Variants in ANPEP observed in about 807,000 individuals in gnomAD.
ANPEP encodes the protein aminopeptidase N.
Under a neutral mutation model 114.6 loss-of-function variants are expected in ANPEP, and 70 were observed. The observed-to-expected ratio is 0.61, with a 90% CI of 0.50 to 0.75. The LOEUF (loss-of-function observed/expected upper bound fraction) is 0.75, where lower values mean the gene tolerates loss of function less well. ANPEP is among the 30% of genes least tolerant of loss of function. ANPEP has a pLI of 0.00. For synonymous variants in ANPEP, 548 were observed against 522.3 expected, an observed-to-expected ratio of 1.05 and a Z score of -0.67; for missense variants, 1,184 against 1,259.5, an observed-to-expected ratio of 0.94 and a Z score of 0.91.
chr15:89,800,977 G>A lies in ANPEP; in HGVS notation c.1819+134C>T, dbSNP rs878984229. On this transcript the variant is annotated intron_variant, in intron 12 of 20. Coordinates refer to ENST00000300060, the MANE Select transcript of ANPEP (RefSeq NM_001150.3). ...CCCAGAGTCACACAGCGAAGCAGCA[G>A]CAAAGTGGAGATTGGAACCAAAGAA... 1.2e-4 allele frequency: 86 copies of A among 735,970 alleles called. 1 individual carries two copies. The East Asian group carries it at 1.2e-3, about 11-fold the overall frequency. The allele number at this position is 735,970 out of a possible 1,614,324, so 45.6% of individuals were successfully genotyped here.
chr15:89,805,257 G>T, intron 3 of ANPEP, 40 bp from the exon 4 acceptor site: 1 of 1,613,512 alleles, frequency 6.2e-7, no homozygotes, highest in Non-Finnish European at 8.5e-7. Context: ...GTACCCTCCT[G>T]CCCCACACCC....
rs568740276 is a variant in ANPEP, at chr15:89,801,368, A to G, written c.1742+67T>C. Reference sequence around the variant, plus strand: ...GGGACCACAGGAGGCCAGTCCTACTATGGTCCCTTAGTAACTGCCCTCTAC... The same window carrying G: ...GGGACCACAGGAGGCCAGTCCTACTGTGGTCCCTTAGTAACTGCCCTCTAC... On this transcript the variant is annotated intron_variant, in intron 11 of 20. Transcript: ENST00000300060. 52 of 1,583,802 alleles carry G rather than the reference A, an allele frequency of 3.3e-5. No homozygotes were observed. In the East Asian group the frequency reaches 8.5e-4, roughly 26 times the overall value.
At chr15:89,787,545 G>A (rs1032208499) in intron 20 of ANPEP, among the ~76,000 whole-genome samples, 1 of 152,158 alleles carries the variant, frequency 6.6e-6, no homozygotes, top group African/African-American at 2.4e-5. Flanking sequence ...GGTATCAAAA[G>A]ACCTATTAAG....
chr15:89,808,938 T>C (rs1159865986), intron 1 of ANPEP, among the ~76,000 whole-genome samples: 1 of 152,232 alleles, frequency 6.6e-6, no homozygotes, highest in African/African-American at 2.4e-5. Context: ...AGGGGAGTCC[T>C]GGGTGCCCAC....
At chr15:89,793,479 T>A (rs1308109346) in intron 15 of ANPEP, among the ~76,000 whole-genome samples, 1 of 151,820 alleles carries the variant, frequency 6.6e-6, no homozygotes, top group East Asian at 1.9e-4. Flanking sequence ...GGCGGGTGGA[T>A]CCCCTGAGTC....
At position 89,803,454 on chromosome 15, in the gene ANPEP, C is replaced by T. The variant is rs986306481; in HGVS notation, c.1491G>A (p.Lys497=). 1.9e-6 allele frequency: 3 copies of T among 1,605,648 alleles called. No individual in the cohort carries two copies. The African/African-American group carries it at 4.0e-5, about 21-fold the overall frequency. ...GTGCAGTACTCACCGCCAGGCCCTG[C>T]TTGAATACGTCCTCGGACAGGAAGC... is the stretch of plus-strand genomic sequence containing the variant. The part of the protein sequence containing the change: ...LSSFLSEDVF[K]QGLASYLHTF... Residue 497 remains lysine, a synonymous_variant, in exon 9 of 21, where the codon AAG becomes AAA. Transcript: ENST00000300060. The surrounding 1 kb of genome is among the most constrained non-coding windows in gnomAD (Gnocchi z 4.2).
intron 15 of ANPEP, among the ~76,000 whole-genome samples, chr15:89,795,174 T>C (rs1968705621): frequency 6.6e-6 from 1 of 151,244 alleles, no homozygotes; most frequent in Non-Finnish European, 1.5e-5. Context: ...CATAGGATGC[T>C]GGAATCAGAA....
intron 14 of ANPEP, among the ~76,000 whole-genome samples, chr15:89,798,847 G>C (rs568911578): frequency 6.6e-6 from 1 of 152,306 alleles, no homozygotes; most frequent in African/African-American, 2.4e-5. Context: ...GGCTGAGGCA[G>C]AGAATCGCTT....
rs777231477 is a variant in ANPEP, at chr15:89,799,405, C to T, written c.1953+21G>A. 42 of 1,613,876 alleles carry T rather than the reference C, an allele frequency of 2.6e-5. 1 individual carries two copies. Among genetic ancestry groups the T allele is most frequent in the South Asian group, 1.2e-4 (11 of 91,068 alleles). On this transcript the variant is annotated intron_variant, in intron 13 of 20. Transcript: ENST00000300060. This position sits in a 1 kb window ranked among gnomAD's most constrained non-coding sequence, Gnocchi z 4.2. Reference sequence around the variant, plus strand: ...GCCTGTCCTGGGGCAGGGGGCAGGGCGAGGGGTGGCAGACACTCACCGAGT... The same window carrying T: ...GCCTGTCCTGGGGCAGGGGGCAGGGTGAGGGGTGGCAGACACTCACCGAGT...
chr15:89,790,921 C>T (rs544074967), intron 19 of ANPEP, 32 bp downstream of exon 19: 42 of 1,608,608 alleles, frequency 2.6e-5, no homozygotes, highest in African/African-American at 1.2e-4. Context: ...CCTCGGCGCT[C>T]GCTGTCCCTG....
At chr15:89,813,003 C>A (rs1466399443) in intron 1 of ANPEP, among the ~76,000 whole-genome samples, 2 of 152,138 alleles carry the variant, frequency 1.3e-5, no homozygotes, top group African/African-American at 4.8e-5. Flanking sequence ...AGACACAGGC[C>A]TGTGGAGGAC....
Position 89,805,960 on chromosome 15 carries a change from C to T in ANPEP, c.614+10G>A, listed in dbSNP as rs148168781. On this transcript the variant is annotated intron_variant, in intron 2 of 20. Transcript: ENST00000300060. ...GATCCACCCCACCGGGCAGCCCAGCCGGAACTCACTTTCTGACATTGCCCT... is the reference window on the plus strand; with the variant it reads ...GATCCACCCCACCGGGCAGCCCAGCTGGAACTCACTTTCTGACATTGCCCT... 1.3e-4 allele frequency: 197 copies of T among 1,575,548 alleles called. 1 individual carries two copies. The African/African-American group carries it at 2.1e-3, about 17-fold the overall frequency.
intron 19 of ANPEP, 69 bp downstream of exon 19, chr15:89,790,884 C>G (rs191482545): frequency 8.7e-5 from 137 of 1,577,278 alleles, no homozygotes; most frequent in Middle Eastern, 5.1e-4. Flanking sequence ...GTGTCTTACC[C>G]GCACAGGCCA....
At position 89,801,029 on chromosome 15, in the gene ANPEP, G is replaced by T. The variant is rs878909638; in HGVS notation, c.1819+82C>A. 6 of 1,197,810 alleles carry T rather than the reference G, an allele frequency of 5.0e-6. No individual in the cohort carries two copies. The South Asian group carries it at 5.1e-5, about 10-fold the overall frequency. The allele number at this position is 1,197,810 out of a possible 1,614,324, so 74.2% of individuals were successfully genotyped here. On this transcript the variant is annotated intron_variant, in intron 12 of 20. Transcript: ENST00000300060. ...TCAAGTCCATTTGTTGAATGGAATG[G>T]CCCATCACAGCCCTCAGAACATGGG...
intron 20 of ANPEP, among the ~76,000 whole-genome samples, chr15:89,786,526 G>T (rs1968510566): frequency 6.6e-6 from 1 of 151,580 alleles, no homozygotes; most frequent in South Asian, 2.1e-4. Flanking sequence ...CCCTGTCTCT[G>T]CAGAAAAATA....
At chr15:89,805,711 T>C (rs1019351343) in intron 2 of ANPEP, among the ~76,000 whole-genome samples, 5 of 152,132 alleles carry the variant, frequency 3.3e-5, no homozygotes, top group African/African-American at 1.2e-4. Flanking sequence ...TGAGTTTCTC[T>C]CCTCTGAGCC....
In ANPEP at chr15:89,785,053, A is replaced by G. The variant is rs1009794190; in HGVS notation, c.*296T>C. 6 of 368,372 alleles carry G rather than the reference A, an allele frequency of 1.6e-5. No homozygotes were observed. The highest frequency in any genetic ancestry group is 8.2e-5 in the African/African-American group (4 of 49,008). The allele number at this position is 368,372 out of a possible 1,614,324, so 22.8% of individuals were successfully genotyped here. Reference sequence around the variant, plus strand: ...CATTGTCCATCGAGAGCTTCTGCTCATCTGGCCCTGGAGCTGGGCTTCCCT... The same window carrying G: ...CATTGTCCATCGAGAGCTTCTGCTCGTCTGGCCCTGGAGCTGGGCTTCCCT... On this transcript the variant is annotated 3_prime_UTR_variant, in exon 21 of 21. Coordinates refer to ENST00000300060, the MANE Select transcript of ANPEP (RefSeq NM_001150.3).
At chr15:89,786,682 G>C (rs1968513165) in intron 20 of ANPEP, among the ~76,000 whole-genome samples, 1 of 148,692 alleles carries the variant, frequency 6.7e-6, no homozygotes, top group Non-Finnish European at 1.5e-5. Context: ...GACAGAGTGA[G>C]ACCCTTTCTC....
chr15:89,789,867 G>C (rs936869133), intron 20 of ANPEP, among the ~76,000 whole-genome samples: 2 of 151,204 alleles, frequency 1.3e-5, no homozygotes, highest in Admixed American at 1.3e-4. Context: ...TCAGGAGATC[G>C]AGACCATGGT....
Sources: allele counts gnomAD v4.1 joint callset (sites outside exome capture counted in the v4.1 genomes callset), GRCh38; gene constraint gnomAD v4.1.1; non-coding constraint Gnocchi (gnomAD v3.1); transcripts MANE v1.5; gene names NCBI Gene and HGNC (gene_info 2026-07-23, HGNC 2026-07-21).